The following FGD4 variants were observed in gnomAD, a reference collection of about 807,000 sequenced individuals.
FGD4 encodes FYVE, RhoGEF and PH domain-containing protein 4.
A neutral mutation model predicts 102.0 loss-of-function variants in FGD4; 42 were observed. That is an observed-to-expected ratio of 0.41 (90% CI 0.32 to 0.53). The LOEUF (loss-of-function observed/expected upper bound fraction) is 0.53, where lower values mean the gene tolerates loss of function less well. FGD4 is among the 20% of genes least tolerant of loss of function. FGD4 has a pLI of 0.21. For synonymous variants in FGD4, 380 were observed against 375.7 expected (o/e 1.01, Z -0.13); for missense variants, 902 against 1,078.2 (o/e 0.84, Z 2.29).
At chr12:32,400,034 C>G in intron 1 of FGD4, 75 bp downstream of exon 1, 1 of 1,398,130 alleles carries the variant, frequency 7.2e-7, no homozygotes, top group South Asian at 1.5e-5. Context: ...CAGCGCCCTG[C>G]AGGTGCGCCC....
At chr12:32,459,797 C>G (rs991511557) in intron 1 of FGD4, among the ~76,000 whole-genome samples, 2 of 151,798 alleles carry the variant, frequency 1.3e-5, no homozygotes, top group Non-Finnish European at 1.5e-5. Context: ...TTCCTGGGCT[C>G]AAGCAATCCT....
intron 1 of FGD4, among the ~76,000 whole-genome samples, chr12:32,549,630 A>G (rs888042505): frequency 1.3e-5 from 2 of 152,216 alleles, no homozygotes; most frequent in African/African-American, 2.4e-5. Context: ...ACAAAATGGT[A>G]GTTTAAAGAA....
chr12:32,501,793 T>C lies in FGD4; in HGVS notation c.167-62344T>C, dbSNP rs140313964. ...TGAAGCTTAGATTTCTAGAATGCTT[T>C]ATCTTTAGTTTTCAAGTTAACTTTG... is the stretch of plus-strand genomic sequence containing the variant. On this transcript the variant is annotated intron_variant, in intron 1 of 16. Transcript: ENST00000534526. Among the ~76,000 whole-genome samples, 3 of 152,370 alleles carry C rather than the reference T, an allele frequency of 2.0e-5. No homozygotes were observed. The East Asian group carries it at 5.8e-4, about 29-fold the overall frequency.
chr12:32,443,154 A>G (rs1398474665), intron 1 of FGD4, among the ~76,000 whole-genome samples: 1 of 152,156 alleles, frequency 6.6e-6, no homozygotes, highest in Non-Finnish European at 1.5e-5. Context: ...TTGGCTGTGC[A>G]GAAGCTTTTT....
At position 32,625,081 on chromosome 12, in the gene FGD4, A is replaced by C; in HGVS notation, c.2046+13A>C. 1 of 1,601,264 alleles carries C rather than the reference A, an allele frequency of 6.2e-7. No individual in the cohort carries two copies. Among genetic ancestry groups the C allele is most frequent in the Non-Finnish European group, 8.6e-7 (1 of 1,169,306 alleles). ...CTCAGAGGTTTCTGTGAGTTGAATT[A>C]AATTCTTAACTTCAACCTCTTTCAT... On this transcript the variant is annotated intron_variant, in intron 13 of 16. Coordinates refer to ENST00000534526, the MANE Select transcript of FGD4 (RefSeq NM_001370298.3).
At chr12:32,501,709 T>A (rs1938231817) in intron 1 of FGD4, among the ~76,000 whole-genome samples, 1 of 152,222 alleles carries the variant, frequency 6.6e-6, no homozygotes, top group Admixed American at 6.5e-5. Flanking sequence ...TTTTAAAAAA[T>A]CCTTATAAAA....
At chr12:32,478,817 G>A (rs747316125) in intron 1 of FGD4, among the ~76,000 whole-genome samples, 4 of 152,116 alleles carry the variant, frequency 2.6e-5, no homozygotes, top group African/African-American at 9.7e-5. Context: ...TATGGGTAGT[G>A]TGGTTGAGGC....
rs1279269342 is a variant in FGD4 at position 32,544,744 on chromosome 12, T to G, written c.167-19393T>G. Among the ~76,000 whole-genome samples, 1 of 151,622 alleles carries G rather than the reference T, an allele frequency of 6.6e-6. No individual in the cohort carries two copies. Among genetic ancestry groups the G allele is most frequent in the Non-Finnish European group, 1.5e-5 (1 of 67,928 alleles). On this transcript the variant is annotated intron_variant, in intron 1 of 16. Coordinates refer to ENST00000534526, the MANE Select transcript of FGD4 (RefSeq NM_001370298.3). This position sits in a 1 kb window ranked among gnomAD's most constrained non-coding sequence, Gnocchi z 4.1. ...ATACTCTGTCTCCAAAAAAAAAAAA[T>G]TACTATTAAAATTAGTCTTCATGGT...
intron 1 of FGD4, among the ~76,000 whole-genome samples, chr12:32,444,648 ACCCGCC>A (rs1486259260): frequency 6.6e-6 from 1 of 151,932 alleles, no homozygotes; most frequent in African/African-American, 2.4e-5. Context: ...CAGGTGACCC[ACCCGCC>A]CCGGCTTCCT....
chr12:32,636,166 C>T (rs929867385), intron 15 of FGD4, among the ~76,000 whole-genome samples: 1 of 152,096 alleles, frequency 6.6e-6, no homozygotes, highest in African/African-American at 2.4e-5. Flanking sequence ...AACACCCTGG[C>T]TCATGGGCCA....
intron 15 of FGD4, among the ~76,000 whole-genome samples, chr12:32,636,317 C>T (rs942281457): frequency 3.9e-5 from 6 of 152,008 alleles, no homozygotes; most frequent in East Asian, 3.9e-4. Context: ...GTGGATCACC[C>T]GAGGACAGGA....
chr12:32,584,371 C>G (rs1407167310), intron 4 of FGD4, among the ~76,000 whole-genome samples: 1 of 152,058 alleles, frequency 6.6e-6, no homozygotes, highest in African/African-American at 2.4e-5. Flanking sequence ...GATGGTAAAT[C>G]TTATTAGGTA....
intron 1 of FGD4, among the ~76,000 whole-genome samples, chr12:32,417,436 A>G (rs1170595683): frequency 1.3e-5 from 2 of 151,756 alleles, no homozygotes; most frequent in Non-Finnish European, 2.9e-5. Context: ...TGCTAGATGT[A>G]TTGGAGCTCC....
intron 10 of FGD4, among the ~76,000 whole-genome samples, chr12:32,612,437 G>A (rs1179037281): frequency 6.6e-6 from 1 of 152,320 alleles, no homozygotes; most frequent in East Asian, 1.9e-4. Context: ...GCAGGCCCAA[G>A]CAGAACTCAG....
At position 32,544,733 on chromosome 12, in the gene FGD4, A is replaced by G. The variant is rs1202331856; in HGVS notation, c.167-19404A>G. On this transcript the variant is annotated intron_variant, in intron 1 of 16. Transcript: ENST00000534526. This position sits in a 1 kb window ranked among gnomAD's most constrained non-coding sequence, Gnocchi z 4.1. Reference sequence around the variant, plus strand: ...GTGACAGAAGGATACTCTGTCTCCAAAAAAAAAAAATTACTATTAAAATTA... The same window carrying G: ...GTGACAGAAGGATACTCTGTCTCCAGAAAAAAAAAATTACTATTAAAATTA... Among the ~76,000 whole-genome samples the G allele has an allele frequency of 2.8e-5, 2 of 72,688 alleles. No homozygotes were observed. The highest frequency in any genetic ancestry group is 2.0e-4 in the African/African-American group (2 of 9,910). The allele number at this position is 72,688 out of a possible 152,430, so 47.7% of individuals were successfully genotyped here. A position where few individuals can be genotyped will look rare whatever the true frequency, so the allele number is the denominator to read the frequency against.
intron 1 of FGD4, among the ~76,000 whole-genome samples, chr12:32,403,280 C>T (rs1405041755): frequency 2.0e-5 from 3 of 152,026 alleles, no homozygotes; most frequent in African/African-American, 7.3e-5. Flanking sequence ...TTGTGTATTC[C>T]TGAATGTGAA....
At position 32,407,645 on chromosome 12, in the gene FGD4, T is replaced by C. The variant is rs118081467; in HGVS notation, c.166+7686T>C. ...TACTTTTTGCTCATTTCTGTTTGAC[T>C]CCTCATTGCACTTTTTCTATCTGTT... On this transcript the variant is annotated intron_variant, in intron 1 of 16. Transcript: ENST00000534526. 1.5e-3 allele frequency among the ~76,000 whole-genome samples: 226 copies of C among 152,268 alleles called. 2 individuals are homozygous for C. The highest frequency in any genetic ancestry group is 2.2e-3 in the Non-Finnish European group (153 of 68,026).
At chr12:32,577,557 G>A (rs1243546856) in intron 3 of FGD4, among the ~76,000 whole-genome samples, 3 of 152,152 alleles carry the variant, frequency 2.0e-5, no homozygotes, top group Admixed American at 2.0e-4. Context: ...ACAACTCAGA[G>A]GCCCCGTCTA....
At chr12:32,583,875 G>A (rs915233137) in intron 4 of FGD4, among the ~76,000 whole-genome samples, 1 of 152,224 alleles carries the variant, frequency 6.6e-6, no homozygotes, top group Admixed American at 6.5e-5. Flanking sequence ...GGAAGGAAGA[G>A]AAGGTTATAG....
Sources: allele counts gnomAD v4.1 joint callset (sites outside exome capture counted in the v4.1 genomes callset), GRCh38; gene constraint gnomAD v4.1.1; non-coding constraint Gnocchi (gnomAD v3.1); transcripts MANE v1.5; gene names NCBI Gene and HGNC (gene_info 2026-07-23, HGNC 2026-07-21).